The following CCDC187 variants were observed in gnomAD, a reference collection of about 807,000 sequenced individuals.
The protein encoded by CCDC187 is coiled-coil domain-containing protein 187.
Under a neutral mutation model 38.0 loss-of-function variants are expected in CCDC187, and 32 were observed. The ratio of observed to expected loss-of-function variants is 0.84; its 90% CI spans 0.64 to 1.13. The LOEUF is 1.13. CCDC187 is among the 50% of genes most tolerant of loss of function. CCDC187 has a pLI of 0.00. For synonymous variants in CCDC187, 333 were observed against 347.9 expected (o/e 0.96, Z 0.48); for missense variants, 707 against 786.8 (o/e 0.90, Z 1.21).
intron 12 of CCDC187, among the ~76,000 whole-genome samples, chr9:136,275,684 T>C (rs960423102): frequency 0.016 from 2,510 of 152,284 alleles, 76 homozygotes; most frequent in African/African-American, 0.056. Context: ...CTCCTCGGAC[T>C]GGGTGACATT....
At chr9:136,284,416 C>T (rs1405824370) in intron 9 of CCDC187, among the ~76,000 whole-genome samples, 1 of 152,202 alleles carries the variant, frequency 6.6e-6, no homozygotes, top group African/African-American at 2.4e-5. Context: ...CGCCGCCGGC[C>T]TGGCCTCCTG....
chr9:136,256,462 C>G (rs1271164640), intron 23 of CCDC187, 139 bp from the exon 24 acceptor site: 1 of 229,774 alleles, frequency 4.4e-6, no homozygotes, highest in Admixed American at 6.5e-5. Flanking sequence ...CTGTGGAGAC[C>G]CCCACTTGCC....
chr9:136,267,334 C>G, intron 16 of CCDC187, 50 bp downstream of exon 16: 18 of 954,966 alleles, frequency 1.9e-5, no homozygotes, highest in Non-Finnish European at 2.2e-5. Context: ...GGGGCTACAG[C>G]AGGGCGGGGC....
rs953759324 is a variant in CCDC187, at chr9:136,267,725, G to A, written c.3520-214C>T. The A allele has an allele frequency of 5.6e-6, 5 of 890,464 alleles. No individual in the cohort carries two copies. The African/African-American group carries it at 7.2e-5, about 13-fold the overall frequency. The allele number at this position is 890,464 out of a possible 1,614,324, so 55.2% of individuals were successfully genotyped here. On this transcript the variant is annotated intron_variant, in intron 15 of 25. Transcript: ENST00000638797. ...GACTGTGAGCTGGCGGGGCAGGCAG[G>A]ATCTTTAGCATCTCGGCCTCACCAC...
intron 7 of CCDC187, among the ~76,000 whole-genome samples, chr9:136,286,950 C>T (rs1831197368): frequency 6.6e-6 from 1 of 152,194 alleles, no homozygotes; most frequent in Non-Finnish European, 1.5e-5. Flanking sequence ...GTAAAACCGT[C>T]CTGCTGTGGC....
rs1429635303 is a variant in CCDC187 at position 136,293,422 on chromosome 9, T to TGCTC, written c.833-1128_833-1127insGAGC. Among the ~76,000 whole-genome samples, 50 of 34,452 alleles carry TGCTC rather than the reference T, an allele frequency of 1.5e-3. 1 individual carries two copies. Among genetic ancestry groups the TGCTC allele is most frequent in the Non-Finnish European group, 2.4e-3 (38 of 15,898 alleles). The allele number at this position is 34,452 out of a possible 152,430, so 22.6% of individuals were successfully genotyped here. On this transcript the variant is annotated intron_variant, in intron 4 of 25. Coordinates refer to ENST00000638797, the MANE Select transcript of CCDC187 (RefSeq NM_001378188.1). ...ACTCACAAACACTCACATGCTCACA[T>TGCTC]ACTCTCACATGCTCACACACTCACA...
chr9:136,279,818 A>G lies in CCDC187; in HGVS notation c.3040+1733T>C, dbSNP rs1279166435. Among the ~76,000 whole-genome samples the G allele has an allele frequency of 5.3e-5, 8 of 152,372 alleles. No individual in the cohort carries two copies. The East Asian group carries it at 1.5e-3, about 29-fold the overall frequency. ...GCCATGAGGCGGCAATTCAGCCACA[A>G]GGCGATTCAGCCATGAGGGTTCCAC... On this transcript the variant is annotated intron_variant, in intron 10 of 25. Transcript: ENST00000638797.
rs1395462149 is a variant in CCDC187, at chr9:136,262,438, C to A, written c.3937G>T (p.Ala1313Ser). 4 of 985,700 alleles carry A rather than the reference C, an allele frequency of 4.1e-6. No homozygotes were observed. Among genetic ancestry groups the A allele is most frequent in the Non-Finnish European group, 4.8e-6 (4 of 830,212 alleles). The allele number at this position is 985,700 out of a possible 1,614,324, so 61.1% of individuals were successfully genotyped here. A position where few individuals can be genotyped will look rare whatever the true frequency, so the allele number is the denominator to read the frequency against. ...QQGSSPKVKAAWEGGSETSQQ... is the reference protein window; with the variant it reads ...QQGSSPKVKASWEGGSETSQQ... ...CTTGTCTCTGAGCCTCCCTCCCAGG[C>A]GGCCTTGACTTTGGGGCTGGAACCC... The change falls in exon 19 of 26, where the codon GCC (alanine) becomes TCC (serine). Residue 1313 changes from alanine to serine, a missense_variant. Ala to Ser is a moderately conservative substitution (Grantham distance 99). Transcript: ENST00000638797.
rs1588649211 is a variant in CCDC187 at position 136,257,309 on chromosome 9, G to T, written c.4367-468C>A. 2.0e-5 allele frequency among the ~76,000 whole-genome samples: 3 copies of T among 152,104 alleles called. No homozygotes were observed. The highest frequency in any genetic ancestry group is 4.8e-5 in the African/African-American group (2 of 41,392). On this transcript the variant is annotated intron_variant, in intron 22 of 25. Transcript: ENST00000638797. The surrounding 1 kb of genome is among the most constrained non-coding windows in gnomAD (Gnocchi z 4.5). ...AATTGCTTGAACCCGGGAGGCGGAG[G>T]TTGCAGTGAGCCAAGATCACGCTAC...
intron 14 of CCDC187, among the ~76,000 whole-genome samples, chr9:136,274,280 C>A (rs1830889647): frequency 6.6e-6 from 1 of 152,252 alleles, no homozygotes; most frequent in Non-Finnish European, 1.5e-5. Flanking sequence ...CGAGCTGCCG[C>A]ATTCACCCTC....
chr9:136,294,258 GCGC>G (rs1831479928), intron 4 of CCDC187, among the ~76,000 whole-genome samples: 1 of 99,872 alleles, frequency 1.0e-5, no homozygotes, highest in African/African-American at 4.0e-5. Context: ...ACACTCTCAC[GCGC>G]TCATATACAC....
rs1213960017 is a variant in CCDC187, at chr9:136,251,988, G to A, written c.*1606C>T. The A allele has an allele frequency of 2.0e-5, 2 of 101,620 alleles. No homozygotes were observed. Among genetic ancestry groups the A allele is most frequent in the African/African-American group, 3.2e-5 (1 of 31,296 alleles). 6.3% of individuals were successfully genotyped at this position (101,620 alleles called of 1,614,324 possible). A position where few individuals can be genotyped will look rare whatever the true frequency, so the allele number is the denominator to read the frequency against. The stretch of plus-strand genomic sequence containing the variant: ...GTCCAGGCGACCGTCCCGCGGAGCC[G>A]GCCGCCCACCTGGTCCACCCTGGGA... On this transcript the variant is annotated 3_prime_UTR_variant, in exon 26 of 26. Coordinates refer to ENST00000638797, the MANE Select transcript of CCDC187 (RefSeq NM_001378188.1).
rs1447784062 is a variant in CCDC187 at position 136,297,767 on chromosome 9, G to T, written c.779C>A (p.Thr260Asn). 3 of 383,314 alleles carry T rather than the reference G, an allele frequency of 7.8e-6. No homozygotes were observed. The highest frequency in any genetic ancestry group is 1.4e-5 in the Non-Finnish European group (3 of 216,200). 23.7% of individuals were successfully genotyped at this position (383,314 alleles called of 1,614,324 possible). A position where few individuals can be genotyped will look rare whatever the true frequency, so the allele number is the denominator to read the frequency against. Residue 260 changes from threonine (T) to asparagine (N), a missense_variant, in exon 4 of 26, where the codon ACC (threonine) becomes AAC (asparagine). Thr to Asn is a moderately conservative substitution (Grantham distance 65). Transcript: ENST00000638797. ...TCTTCTAGGGGAGGGCAACTTGGGG[G>T]TCTTCTCTCTTTTGCAAGAACTGCT... ...VKSSSCKREK[T>N]PKLPSPRRAA...
At chr9:136,293,902 ACACT>A (rs1460299252) in intron 4 of CCDC187, among the ~76,000 whole-genome samples, 2 of 151,016 alleles carry the variant, frequency 1.3e-5, no homozygotes, top group East Asian at 3.9e-4. Flanking sequence ...ACAACCACAC[ACACT>A]CATACACTCA....
In CCDC187 at chr9:136,250,819, GC is replaced by G. The variant is rs1424814478; in HGVS notation, c.*2774del. On this transcript the variant is annotated 3_prime_UTR_variant, in exon 26 of 26. Transcript: ENST00000638797. The stretch of plus-strand genomic sequence containing the variant: ...TAACGGCACCTGGGGCTAAGCAGCC[GC>G]CCCGGGGCTGGAGAAGGCAGGCTGG... 4.4e-6 allele frequency: 2 copies of G among 456,122 alleles called. No individual in the cohort carries two copies. The highest frequency in any genetic ancestry group is 2.3e-5 in the Admixed American group (1 of 42,568). The allele number at this position is 456,122 out of a possible 1,614,324, so 28.3% of individuals were successfully genotyped here.
intron 24 of CCDC187, 99 bp from the exon 25 acceptor site, chr9:136,255,832 C>T: frequency 5.5e-6 from 3 of 549,510 alleles, no homozygotes; most frequent in Non-Finnish European, 7.0e-6. Flanking sequence ...CAGTCCACAG[C>T]TCACACTCGA....
chr9:136,281,712 C>T, intron 9 of CCDC187, 49 bp from the exon 10 acceptor site: 1 of 398,700 alleles, frequency 2.5e-6, no homozygotes, highest in Non-Finnish European at 4.4e-6. Context: ...GTGGAGGAGA[C>T]AGGAGGCAGG....
intron 14 of CCDC187, among the ~76,000 whole-genome samples, chr9:136,272,702 C>CA (rs1830860113): frequency 6.9e-6 from 1 of 145,168 alleles, no homozygotes; most frequent in East Asian, 2.0e-4. Flanking sequence ...AACTCTGTCT[C>CA]AAGAAAAAAA....
rs66462838 is a variant in CCDC187, at chr9:136,257,376, T to TATA, written c.4367-538_4367-536dup. Among the ~76,000 whole-genome samples the TATA allele has an allele frequency of 0.018, 2,625 of 147,022 alleles. 57 individuals carry two copies. The highest frequency in any genetic ancestry group is 0.048 in the African/African-American group (1,907 of 40,056). On this transcript the variant is annotated intron_variant, in intron 22 of 25. Transcript: ENST00000638797. The surrounding 1 kb of genome is among the most constrained non-coding windows in gnomAD (Gnocchi z 4.5). ...AGAGAGTGAGACTTTGTCTCAAAAT[T>TATA]ATAATAATAATAATAATAATAATAA...
Sources: allele counts gnomAD v4.1 joint callset (sites outside exome capture counted in the v4.1 genomes callset), GRCh38; gene constraint gnomAD v4.1.1; non-coding constraint Gnocchi (gnomAD v3.1); transcripts MANE v1.5; gene names NCBI Gene and HGNC (gene_info 2026-07-23, HGNC 2026-07-21).